ANKRD13C: variants seen among roughly 807,000 people sequenced by gnomAD.
The protein encoded by ANKRD13C is ankyrin repeat domain-containing protein 13C.
A neutral mutation model predicts 65.5 loss-of-function variants in ANKRD13C; 16 were observed. The observed-to-expected ratio is 0.24, with a 90% CI of 0.17 to 0.37. The LOEUF (loss-of-function observed/expected upper bound fraction) is 0.37, where lower values mean the gene tolerates loss of function less well. ANKRD13C is among the 10% of genes least tolerant of loss of function. The pLI is 1.00. For synonymous variants in ANKRD13C, 235 were observed against 238.7 expected (o/e 0.98, Z 0.14); for missense variants, 503 against 655.9 (o/e 0.77, Z 2.55).
At chr1:70,296,107 T>G in intron 8 of ANKRD13C, 23 bp downstream of exon 8, 1 of 1,606,448 alleles carries the variant, frequency 6.2e-7, no homozygotes, top group Non-Finnish European at 8.5e-7. Flanking sequence ...GCTTAAAGTT[T>G]AAAAATCTAG....
At chr1:70,298,108 AGGTTGCAGTAGTTAAACAGAACTG>A (rs1680174462) in intron 7 of ANKRD13C, among the ~76,000 whole-genome samples, 1 of 152,160 alleles carries the variant, frequency 6.6e-6, no homozygotes, top group South Asian at 2.1e-4. Context: ...AAAAAAAGTT[AGGTTGCAGTAGTTAAACAGAACTG>A]TTAAACACTA....
In ANKRD13C at chr1:70,354,513, G is replaced by A. The variant is rs1284402386; in HGVS notation, c.-105C>T. ...TTAGAGCGGTGGCCAAGAGCCTCCA[G>A]CGCAGCATGAACTCCCACTGAGCCC... On this transcript the variant is annotated 5_prime_UTR_variant, in exon 1 of 13. Transcript: ENST00000370944. 3 of 1,457,020 alleles carry A rather than the reference G, an allele frequency of 2.1e-6. No homozygotes were observed. The East Asian group carries it at 7.4e-5, about 36-fold the overall frequency. The allele number at this position is 1,457,020 out of a possible 1,614,324, so 90.3% of individuals were successfully genotyped here.
chr1:70,262,658 C>T lies in ANKRD13C; in HGVS notation c.*59G>A, dbSNP rs1322110993. ...AGCATTTGTCCCTTCTATTTGGATCCACTTCTAGGGTCTCTGTATTTTCTT... is the reference window on the plus strand; with the variant it reads ...AGCATTTGTCCCTTCTATTTGGATCTACTTCTAGGGTCTCTGTATTTTCTT... On this transcript the variant is annotated 3_prime_UTR_variant, in exon 13 of 13. Coordinates refer to ENST00000370944, the MANE Select transcript of ANKRD13C (RefSeq NM_030816.5). 2 of 1,509,502 alleles carry T rather than the reference C, an allele frequency of 1.3e-6. No individual in the cohort carries two copies. Among genetic ancestry groups the T allele is most frequent in the Non-Finnish European group, 1.8e-6 (2 of 1,122,538 alleles). 93.5% of individuals were successfully genotyped at this position (1,509,502 alleles called of 1,614,324 possible).
intron 1 of ANKRD13C, among the ~76,000 whole-genome samples, chr1:70,352,632 T>C (rs1052259375): frequency 2.6e-5 from 4 of 152,174 alleles, no homozygotes; most frequent in Admixed American, 6.5e-5. Context: ...AAAAACTTCC[T>C]CATAATAGAC....
chr1:70,316,156 A>G (rs554387059), intron 3 of ANKRD13C, among the ~76,000 whole-genome samples: 5 of 152,300 alleles, frequency 3.3e-5, no homozygotes, highest in African/African-American at 9.6e-5. Flanking sequence ...ATACCTTCAC[A>G]TACTACCAGC....
chr1:70,267,562 T>C (rs1678683808), intron 12 of ANKRD13C, among the ~76,000 whole-genome samples: 1 of 152,148 alleles, frequency 6.6e-6, no homozygotes, highest in Admixed American at 6.5e-5. Context: ...TTAATCCACT[T>C]TACCAATCAC....
At position 70,354,351 on chromosome 1, in the gene ANKRD13C, C is replaced by A. The variant is rs946196088; in HGVS notation, c.58G>T (p.Gly20Trp). The A allele has an allele frequency of 6.2e-7, 1 of 1,614,136 alleles. No individual in the cohort carries two copies. ...TCATCCCCGGGCTCCAGCAGGTCCC[C>A]TTCTTCTTTGCTGGGCTTGTGGTCC... ...RRDHKPSKEEGDLLEPGDEEA... is the reference protein window; with the variant it reads ...RRDHKPSKEEWDLLEPGDEEA... Residue 20 changes from glycine to tryptophan, a missense_variant, in exon 1 of 13, where the codon GGG (glycine) becomes TGG (tryptophan). Around this residue, in one of 2 missense-constraint regions of ANKRD13C, gnomAD observed 203 missense variants for 177.6 expected, o/e 1.14. Transcript: ENST00000370944.
At chr1:70,304,207 A>G (rs1012843558) in intron 6 of ANKRD13C, among the ~76,000 whole-genome samples, 1 of 151,638 alleles carries the variant, frequency 6.6e-6, no homozygotes, top group Admixed American at 6.6e-5. Flanking sequence ...ATGCCCAGCT[A>G]ATTTTTTGTA....
chr1:70,329,847 C>T (rs1027228193), intron 2 of ANKRD13C, among the ~76,000 whole-genome samples: 1 of 151,878 alleles, frequency 6.6e-6, no homozygotes, highest in East Asian at 1.9e-4. Flanking sequence ...AATCCCAGCA[C>T]TTTGAGAGGC....
intron 9 of ANKRD13C, among the ~76,000 whole-genome samples, chr1:70,281,396 C>CTTTTTTTTTTTTTTT (rs71583111): frequency 1.2e-5 from 1 of 85,340 alleles, no homozygotes. Context: ...TGACTAAATT[C>CTTTTTTTTTTTTTTT]TTTTTTTTTT....
chr1:70,318,052 C>T (rs1174706932), intron 3 of ANKRD13C, among the ~76,000 whole-genome samples: 1 of 152,126 alleles, frequency 6.6e-6, no homozygotes, highest in African/African-American at 2.4e-5. Context: ...AGTATAATAA[C>T]ATATGCGAAG....
intron 9 of ANKRD13C, among the ~76,000 whole-genome samples, chr1:70,285,588 C>A (rs189960664): frequency 6.6e-6 from 1 of 151,834 alleles, no homozygotes; most frequent in Non-Finnish European, 1.5e-5. Context: ...TCCTCTTTCA[C>A]CCCCTGTTGT....
chr1:70,315,530 C>G lies in ANKRD13C; in HGVS notation c.614G>C (p.Arg205Thr). ...AGGTCGTTTTTCTTCAACACTTTCCCTGGATTGCTGCTTAAGCTTCCTCAA... is the reference window on the plus strand; with the variant it reads ...AGGTCGTTTTTCTTCAACACTTTCCGTGGATTGCTGCTTAAGCTTCCTCAA... ...ALLRKLKQQSRESVEEKRPRL... is the reference protein window; with the variant it reads ...ALLRKLKQQSTESVEEKRPRL... Residue 205 changes from arginine to threonine, a missense_variant, in exon 4 of 13, where the codon AGG becomes ACG. This residue lies in a region of ANKRD13C where 300 missense variants were observed against 478.3 expected (regional missense o/e 0.63). Coordinates refer to ENST00000370944, the MANE Select transcript of ANKRD13C (RefSeq NM_030816.5). 6.2e-7 allele frequency: 1 copy of G among 1,608,796 alleles called. No homozygotes were observed. The highest frequency in any genetic ancestry group is 2.2e-5 in the East Asian group (1 of 44,732).
chr1:70,308,392 T>C (rs1369569588), intron 5 of ANKRD13C, among the ~76,000 whole-genome samples: 1 of 149,712 alleles, frequency 6.7e-6, no homozygotes, highest in Non-Finnish European at 1.5e-5. Flanking sequence ...AGGAGGAAAA[T>C]GGTAAGGCAG....
At chr1:70,347,018 G>T (rs549216980) in intron 1 of ANKRD13C, among the ~76,000 whole-genome samples, 1 of 151,130 alleles carries the variant, frequency 6.6e-6, no homozygotes, top group East Asian at 1.9e-4. Context: ...TGTGAACCGG[G>T]GAGGCGGAGC....
intron 1 of ANKRD13C, among the ~76,000 whole-genome samples, chr1:70,340,980 G>A (rs970308197): frequency 1.9e-4 from 29 of 152,042 alleles, no homozygotes; most frequent in African/African-American, 6.3e-4. Context: ...GTGTGGTGGC[G>A]CACGCCTGTA....
chr1:70,341,788 T>C (rs781627161), intron 1 of ANKRD13C, among the ~76,000 whole-genome samples: 12 of 152,162 alleles, frequency 7.9e-5, no homozygotes, highest in Non-Finnish European at 1.5e-4. Context: ...GGTATACATA[T>C]TTTATTTTAC....
At chr1:70,351,269 G>A (rs1174196436) in intron 1 of ANKRD13C, among the ~76,000 whole-genome samples, 6 of 152,116 alleles carry the variant, frequency 3.9e-5, no homozygotes, top group Non-Finnish European at 7.4e-5. Context: ...GAATCCTTAC[G>A]GTGAACATAA....
intron 2 of ANKRD13C, among the ~76,000 whole-genome samples, chr1:70,332,199 C>T (rs1227714147): frequency 6.6e-6 from 1 of 152,180 alleles, no homozygotes; most frequent in African/African-American, 2.4e-5. Context: ...AAAGAGCAAA[C>T]ATCAAATAAC....
Sources: allele counts gnomAD v4.1 joint callset (sites outside exome capture counted in the v4.1 genomes callset), GRCh38; gene constraint gnomAD v4.1.1; regional missense constraint gnomAD v4.1.1; transcripts MANE v1.5; gene names NCBI Gene and HGNC (gene_info 2026-07-23, HGNC 2026-07-21).